The following ZNF536 variants were observed in gnomAD, a reference collection of about 807,000 sequenced individuals.
The protein encoded by ZNF536 is zinc finger protein 536.
In ZNF536, 13 loss-of-function variants were observed where a neutral mutation model predicts 84.5. The observed-to-expected ratio is 0.15, with a 90% CI of 0.10 to 0.24. The LOEUF (loss-of-function observed/expected upper bound fraction) is 0.24. Among genes scored for constraint, ZNF536 ranks in the 10% least tolerant of loss-of-function variants. The pLI is 1.00. For missense variants in ZNF536, 1,536 were observed against 1,747.5 expected, an observed-to-expected ratio of 0.88 and a Z score of 2.16; for synonymous variants, 811 against 742.5, an observed-to-expected ratio of 1.09 and a Z score of -1.50.
intron 1 of ZNF536, among the ~76,000 whole-genome samples, chr19:30,680,579 A>G (rs1431569374): frequency 6.6e-6 from 1 of 152,022 alleles, no homozygotes; most frequent in Non-Finnish European, 1.5e-5. Context: ...AAAGGACATG[A>G]ACTCATCATT....
intron 1 of ZNF536, among the ~76,000 whole-genome samples, chr19:30,432,930 T>C (rs566383841): frequency 1.3e-5 from 2 of 152,108 alleles, no homozygotes; most frequent in Non-Finnish European, 2.9e-5. Context: ...AGGAACCTGG[T>C]AGAAGGATGG....
intron 2 of ZNF536, among the ~76,000 whole-genome samples, chr19:30,474,372 G>A (rs2053762996): frequency 6.6e-6 from 1 of 151,936 alleles, no homozygotes; most frequent in African/African-American, 2.4e-5. Context: ...TTTATAGCAT[G>A]GCTACCCTGT....
intron 1 of ZNF536, among the ~76,000 whole-genome samples, chr19:30,572,362 C>A (rs536190503): frequency 6.6e-6 from 1 of 152,134 alleles, no homozygotes; most frequent in African/African-American, 2.4e-5. Flanking sequence ...AGTGGGGGCA[C>A]CCAAGGGGGG....
At chr19:30,298,942 T>G (rs1380424584) in intron 2 of ZNF536, among the ~76,000 whole-genome samples, 5 of 152,192 alleles carry the variant, frequency 3.3e-5, no homozygotes, top group African/African-American at 1.2e-4. Context: ...TCCCTCCAAT[T>G]CTGAAGTTGT....
At chr19:30,276,716 A>T (rs1204895839) in intron 1 of ZNF536, among the ~76,000 whole-genome samples, 1 of 152,178 alleles carries the variant, frequency 6.6e-6, no homozygotes, top group African/African-American at 2.4e-5. Flanking sequence ...AGATACTTTT[A>T]TCTCACTGAA....
chr19:30,504,492 C>T, intron 2 of ZNF536, among the ~76,000 whole-genome samples: 1 of 136,878 alleles, frequency 7.3e-6, no homozygotes, highest in African/African-American at 2.8e-5. Flanking sequence ...CCCTTCCTCC[C>T]TCCCACCTTC....
chr19:30,289,344 A>G lies in ZNF536; in HGVS notation c.-120+5203A>G, dbSNP rs2045753359. Among the ~76,000 whole-genome samples the G allele has an allele frequency of 2.6e-5, 4 of 152,240 alleles. No homozygotes were observed. In the South Asian group the frequency reaches 6.2e-4, roughly 24 times the overall value. On this transcript the variant is annotated intron_variant, in intron 2 of 5. Coordinates refer to the ZNF536 transcript ENST00000585628. The stretch of plus-strand genomic sequence containing the variant: ...GCTGATAAATTACATGTGTAATTGT[A>G]CCATCGTAACCACTGCTAGTCAGCG...
At chr19:30,698,780 C>T (rs958178107) in intron 1 of ZNF536, among the ~76,000 whole-genome samples, 9 of 152,162 alleles carry the variant, frequency 5.9e-5, no homozygotes, top group African/African-American at 7.2e-5. Context: ...GTTACTCTCC[C>T]GTCCCTTTCC....
intron 1 of ZNF536, among the ~76,000 whole-genome samples, chr19:30,603,902 C>T (rs1405616244): frequency 1.3e-5 from 2 of 152,084 alleles, no homozygotes; most frequent in African/African-American, 2.4e-5. Context: ...CCAGCCTGGC[C>T]AACATGGTGA....
intron 1 of ZNF536, among the ~76,000 whole-genome samples, chr19:30,664,579 C>A (rs1422158409): frequency 6.6e-6 from 1 of 152,076 alleles, no homozygotes; most frequent in Non-Finnish European, 1.5e-5. Context: ...ATAGAGGAAT[C>A]AAAAATACCC....
intron 1 of ZNF536, among the ~76,000 whole-genome samples, chr19:30,700,121 CCT>C (rs2051843250): frequency 6.7e-6 from 1 of 149,580 alleles, no homozygotes; most frequent in Admixed American, 6.7e-5. Flanking sequence ...TCCCTCCCTC[CCT>C]GTCTCTTTCT....
intron 1 of ZNF536, among the ~76,000 whole-genome samples, chr19:30,280,060 G>A (rs1471637094): frequency 1.3e-5 from 2 of 152,124 alleles, no homozygotes; most frequent in Admixed American, 6.5e-5. Flanking sequence ...TGGAACATGG[G>A]CCAGGAGGGG....
intron 1 of ZNF536, among the ~76,000 whole-genome samples, chr19:30,624,877 A>G (rs1362632305): frequency 6.6e-6 from 1 of 152,012 alleles, no homozygotes; most frequent in East Asian, 1.9e-4. Flanking sequence ...TTTTCATGAG[A>G]TCTGAGGGTT....
At chr19:30,326,246 G>A (rs1450164829) in intron 2 of ZNF536, among the ~76,000 whole-genome samples, 1 of 152,210 alleles carries the variant, frequency 6.6e-6, no homozygotes, top group Non-Finnish European at 1.5e-5. Flanking sequence ...TGGTCAGCCC[G>A]GGCTTGGCGT....
chr19:30,384,977 G>A (rs1040291884), intron 1 of ZNF536, among the ~76,000 whole-genome samples: 2 of 152,008 alleles, frequency 1.3e-5, no homozygotes, highest in Admixed American at 6.5e-5. Flanking sequence ...GTTTGATCAC[G>A]TCACTGCCCT....
intron 1 of ZNF536, among the ~76,000 whole-genome samples, chr19:30,565,629 G>A (rs2046322914): frequency 6.6e-6 from 1 of 152,148 alleles, no homozygotes; most frequent in East Asian, 1.9e-4. Flanking sequence ...GACTTTTAGT[G>A]TACCCGTCAC....
chr19:30,406,039 AGTG>A (rs1342638912), intron 1 of ZNF536, among the ~76,000 whole-genome samples: 2 of 152,168 alleles, frequency 1.3e-5, no homozygotes, highest in African/African-American at 4.8e-5. Context: ...GGCCTCCCAA[AGTG>A]GTGGGATTAC....
At chr19:30,313,113 G>A (rs905867840) in intron 2 of ZNF536, among the ~76,000 whole-genome samples, 6 of 152,248 alleles carry the variant, frequency 3.9e-5, no homozygotes, top group African/African-American at 7.2e-5. Context: ...TGACAAGGCC[G>A]TGGCAGACAC....
At chr19:30,538,266 C>G (rs553638806) in intron 3 of ZNF536, among the ~76,000 whole-genome samples, 9 of 152,102 alleles carry the variant, frequency 5.9e-5, no homozygotes, top group Admixed American at 1.3e-4. Context: ...TCCAAAATGC[C>G]ATCTTTTTGA....
Sources: gnomAD v4.1 joint callset for allele counts (sites outside exome capture counted in the v4.1 genomes callset) on GRCh38, gnomAD v4.1.1 for gene constraint, MANE v1.5 for transcripts, NCBI Gene and HGNC (gene_info 2026-07-23, HGNC 2026-07-21) for gene names.